ERC1: variants seen among roughly 807,000 people sequenced by gnomAD.
The protein encoded by ERC1 is ELKS/RAB6-interacting/CAST family member 1.
ERC1 carries 56 observed loss-of-function variants against 132.0 expected under a neutral mutation model. The ratio of observed to expected loss-of-function variants is 0.42; its 90% CI spans 0.34 to 0.53. The LOEUF is 0.53. ERC1 is among the 20% of genes least tolerant of loss of function. The probability of loss-of-function intolerance (pLI) is 0.03; values close to 1 mark genes in which losing one functional copy is unlikely to be tolerated. For synonymous variants in ERC1, 478 were observed against 476.1 expected (o/e 1.00, Z -0.05); for missense variants, 1,202 against 1,349.9 (o/e 0.89, Z 1.72).
At chr12:1,365,786 A>C (rs1294031424) in intron 15 of ERC1, among the ~76,000 whole-genome samples, 1 of 152,240 alleles carries the variant, frequency 6.6e-6, no homozygotes, top group Non-Finnish European at 1.5e-5. Context: ...AAATGTAAAA[A>C]TAGCAGCATA....
At chr12:1,347,788 G>A (rs2084621224) in intron 15 of ERC1, among the ~76,000 whole-genome samples, 1 of 152,046 alleles carries the variant, frequency 6.6e-6, no homozygotes. Flanking sequence ...TTTAAGACCA[G>A]CCTGGCCAAC....
rs544970833 is a variant in ERC1 at position 1,158,673 on chromosome 12, G to A, written c.1737+16886G>A. 8.0e-5 allele frequency among the ~76,000 whole-genome samples: 12 copies of A among 149,500 alleles called. No homozygotes were observed. In the South Asian group the frequency reaches 1.1e-3, roughly 13 times the overall value. On this transcript the variant is annotated intron_variant, in intron 8 of 18. Coordinates refer to ENST00000360905, the MANE Select transcript of ERC1 (RefSeq NM_178040.4). ...TCTCCATGTTGGTCAGGCTGGTCTC[G>A]AACTCCCGTCCTCAGGTGATTTGCC...
chr12:1,402,389 G>A (rs1405970152), intron 16 of ERC1, among the ~76,000 whole-genome samples: 1 of 152,114 alleles, frequency 6.6e-6, no homozygotes, highest in African/African-American at 2.4e-5. Context: ...AGTTAGCTGG[G>A]CATGGTGGCG....
intron 3 of ERC1, among the ~76,000 whole-genome samples, chr12:1,096,569 T>A (rs1944067468): frequency 6.6e-6 from 1 of 152,208 alleles, no homozygotes; most frequent in South Asian, 2.1e-4. Flanking sequence ...AGATTCAACA[T>A]GGACAAACTA....
chr12:1,029,872 T>C (rs1012248041), intron 2 of ERC1, among the ~76,000 whole-genome samples: 1 of 150,512 alleles, frequency 6.6e-6, no homozygotes, highest in African/African-American at 2.4e-5. Flanking sequence ...CTCAGCCTCC[T>C]GAGTAGCTGG....
chr12:1,111,669 A>G (rs11061637), intron 5 of ERC1, among the ~76,000 whole-genome samples: 1 of 148,282 alleles, frequency 6.7e-6, no homozygotes, highest in Non-Finnish European at 1.5e-5. Context: ...ACCAGGCTGG[A>G]GTGCAGTGGC....
intron 12 of ERC1, among the ~76,000 whole-genome samples, chr12:1,228,727 A>C (rs1044252402): frequency 7.2e-5 from 11 of 152,208 alleles, no homozygotes; most frequent in African/African-American, 2.4e-4. Context: ...ATTTATTGAG[A>C]GTCTTTATCA....
intron 2 of ERC1, among the ~76,000 whole-genome samples, chr12:1,066,723 A>G (rs1303100183): frequency 6.6e-6 from 1 of 151,660 alleles, no homozygotes; most frequent in Non-Finnish European, 1.5e-5. Context: ...TGTAATCCCA[A>G]CTATTCAGGA....
intron 1 of ERC1, among the ~76,000 whole-genome samples, chr12:1,010,792 A>G (rs10849618): frequency 0.95 from 144,633 of 152,064 alleles, 69,181 homozygotes; most frequent in East Asian, 1. Flanking sequence ...GGATTACCGA[A>G]CCCGGCTGGC....
chr12:1,452,701 C>T (rs2093450909), intron 18 of ERC1, among the ~76,000 whole-genome samples: 1 of 152,046 alleles, frequency 6.6e-6, no homozygotes, highest in Admixed American at 6.5e-5. Flanking sequence ...TACTTAAGTT[C>T]ACTTTCTTTT....
At chr12:1,413,156 C>A (rs559835641) in intron 17 of ERC1, among the ~76,000 whole-genome samples, 2 of 151,978 alleles carry the variant, frequency 1.3e-5, no homozygotes, top group Non-Finnish European at 2.9e-5. Context: ...AAAGAAATTC[C>A]CTATTGTATG....
intron 1 of ERC1, among the ~76,000 whole-genome samples, chr12:1,001,586 G>C (rs1490755371): frequency 6.6e-6 from 1 of 152,042 alleles, no homozygotes; most frequent in East Asian, 1.9e-4. Context: ...TTTTTTGTGT[G>C]TGTAGACCTT....
At chr12:1,264,551 C>G (rs2077357620) in intron 14 of ERC1, among the ~76,000 whole-genome samples, 1 of 152,098 alleles carries the variant, frequency 6.6e-6, no homozygotes, top group Admixed American at 6.5e-5. Context: ...GTAGTCCCAG[C>G]TACTCGGGAG....
At chr12:1,032,536 G>A (rs1262284152) in intron 2 of ERC1, among the ~76,000 whole-genome samples, 1 of 152,142 alleles carries the variant, frequency 6.6e-6, no homozygotes, top group African/African-American at 2.4e-5. Flanking sequence ...ATCATTAACT[G>A]TGACAGGGAC....
At chr12:1,325,779 T>C (rs2082405409) in intron 15 of ERC1, among the ~76,000 whole-genome samples, 1 of 152,182 alleles carries the variant, frequency 6.6e-6, no homozygotes, top group Non-Finnish European at 1.5e-5. Flanking sequence ...CTCATTTCTT[T>C]CATGAGTATA....
intron 12 of ERC1, among the ~76,000 whole-genome samples, chr12:1,192,805 G>C (rs796325360): frequency 1.3e-5 from 2 of 152,176 alleles, no homozygotes; most frequent in African/African-American, 4.8e-5. Context: ...TTAAAGAACA[G>C]CTGATTATAT....
At chr12:1,055,202 CAG>C (rs1458560826) in intron 2 of ERC1, among the ~76,000 whole-genome samples, 1 of 151,774 alleles carries the variant, frequency 6.6e-6, no homozygotes, top group Non-Finnish European at 1.5e-5. Context: ...TTTTCTTTGA[CAG>C]AGTCTCACTC....
chr12:1,318,951 G>A (rs937537737), intron 15 of ERC1, among the ~76,000 whole-genome samples: 2 of 152,146 alleles, frequency 1.3e-5, no homozygotes, highest in African/African-American at 4.8e-5. Flanking sequence ...GAAATTTACT[G>A]TGTAATTCTC....
intron 17 of ERC1, among the ~76,000 whole-genome samples, chr12:1,417,568 G>T (rs574255460): frequency 6.6e-6 from 1 of 152,108 alleles, no homozygotes; most frequent in Admixed American, 6.5e-5. Context: ...TCACCCTAAG[G>T]TCAGGAGTTT....
Sources: allele counts gnomAD v4.1 joint callset (sites outside exome capture counted in the v4.1 genomes callset), GRCh38; gene constraint gnomAD v4.1.1; transcripts MANE v1.5; gene names NCBI Gene and HGNC (gene_info 2026-07-23, HGNC 2026-07-21).